Variants in UNC13B observed in about 807,000 individuals in gnomAD.
UNC13B encodes protein unc-13 homolog B.
UNC13B carries 144 observed loss-of-function variants against 211.0 expected under a neutral mutation model. That is an observed-to-expected ratio of 0.68 (90% CI 0.60 to 0.78). UNC13B has a LOEUF of 0.78. Ranked by LOEUF, UNC13B falls within the 30% of genes least tolerant of loss-of-function variation. The probability of loss-of-function intolerance (pLI) is 0.00; values close to 1 mark genes in which losing one functional copy is unlikely to be tolerated. For missense variants in UNC13B, 1,777 were observed against 2,002.0 expected (o/e 0.89, Z 2.14); for synonymous variants, 709 against 725.8 (o/e 0.98, Z 0.37).
chr9:35,378,355 C>A lies in UNC13B; in HGVS notation c.10124C>A (p.Thr3375Asn). ...DKTGSSDPYV[T>N]VQVSKTKKRT... The stretch of plus-strand genomic sequence containing the variant: ...ACAGGATCCAGTGACCCTTACGTGA[C>A]TGTGCAAGTCAGCAAAACTAAGAAG... The change falls in exon 17 of 40, where the codon ACT (threonine) becomes AAT (asparagine). Residue 3375 changes from threonine to asparagine, a missense_variant. Coordinates refer to ENST00000635942, the MANE Select transcript of UNC13B (RefSeq NM_001371189.2). 6.2e-7 allele frequency: 1 copy of A among 1,614,168 alleles called. No individual in the cohort carries two copies. The highest frequency in any genetic ancestry group is 8.5e-7 in the Non-Finnish European group (1 of 1,180,024).
At position 35,269,931 on chromosome 9, in the gene UNC13B, A is replaced by G. The variant is rs545679200; in HGVS notation, c.526+10881A>G. On this transcript the variant is annotated intron_variant, in intron 7 of 39. Transcript: ENST00000635942. ...TTTTTTTTGAACCCAGTGTTTTGTA[A>G]TCCTGTTCTGCCATTTTCTTTGATG... Among the ~76,000 whole-genome samples the G allele has an allele frequency of 5.3e-5, 8 of 151,942 alleles. No individual in the cohort carries two copies. In the South Asian group the frequency reaches 1.2e-3, roughly 24 times the overall value.
At chr9:35,285,436 A>T (rs1828735523) in intron 7 of UNC13B, among the ~76,000 whole-genome samples, 1 of 152,176 alleles carries the variant, frequency 6.6e-6, no homozygotes, top group African/African-American at 2.4e-5. Flanking sequence ...AAATTAAAAG[A>T]TGGCCAGGCA....
chr9:35,319,577 C>G (rs1830637398), intron 11 of UNC13B, among the ~76,000 whole-genome samples: 1 of 152,120 alleles, frequency 6.6e-6, no homozygotes, highest in Non-Finnish European at 1.5e-5. Flanking sequence ...CCTCCTTCCT[C>G]CCTCTAGTAG....
intron 11 of UNC13B, among the ~76,000 whole-genome samples, chr9:35,345,384 G>T (rs1832287786): frequency 6.6e-6 from 1 of 152,114 alleles, no homozygotes; most frequent in African/African-American, 2.4e-5. Flanking sequence ...TATCAAAGGG[G>T]ATTTTGGCTA....
chr9:35,312,990 A>G (rs915494890), intron 10 of UNC13B, among the ~76,000 whole-genome samples: 4 of 152,168 alleles, frequency 2.6e-5, no homozygotes, highest in African/African-American at 9.7e-5. Context: ...TTAGTGGAGC[A>G]GGAAGGGTTT....
chr9:35,276,534 T>C (rs1209783233), intron 7 of UNC13B, among the ~76,000 whole-genome samples: 2 of 152,224 alleles, frequency 1.3e-5, no homozygotes, highest in African/African-American at 4.8e-5. Flanking sequence ...AATTTTGAAT[T>C]CGTTGTGGTC....
intron 1 of UNC13B, among the ~76,000 whole-genome samples, chr9:35,178,514 CAAAA>C (rs970171302): frequency 6.7e-6 from 1 of 148,200 alleles, no homozygotes; most frequent in African/African-American, 2.5e-5. Flanking sequence ...AAAGAACAAA[CAAAA>C]AAACACATAC....
At chr9:35,400,533 G>GCTC in intron 37 of UNC13B, 90 bp downstream of exon 37, 1 of 1,442,850 alleles carries the variant, frequency 6.9e-7, no homozygotes, top group African/African-American at 1.4e-5. Flanking sequence ...CTTGGGAGCA[G>GCTC]ATCCAGTTAC....
rs10972421 is a variant in UNC13B, at chr9:35,284,490, A to G, written c.527-11206A>G. On this transcript the variant is annotated intron_variant, in intron 7 of 39. Coordinates refer to ENST00000635942, the MANE Select transcript of UNC13B (RefSeq NM_001371189.2). The stretch of plus-strand genomic sequence containing the variant: ...ATTAATAAATCATCTTTGCCTTTCT[A>G]AAATATAACCTACTTGGTTATGGTG... Among the ~76,000 whole-genome samples the G allele has an allele frequency of 2.1e-4, 32 of 152,310 alleles. No homozygotes were observed. In the East Asian group the frequency reaches 3.5e-3, roughly 16 times the overall value.
chr9:35,287,332 A>G (rs921990278), intron 7 of UNC13B, among the ~76,000 whole-genome samples: 5 of 151,912 alleles, frequency 3.3e-5, no homozygotes, highest in African/African-American at 1.2e-4. Flanking sequence ...AGGTTTCACC[A>G]TGTTGGCCAG....
Position 35,404,216 on chromosome 9 carries a change from C to G in UNC13B, c.*183C>G. 1 of 766,182 alleles carries G rather than the reference C, an allele frequency of 1.3e-6. No individual in the cohort carries two copies. The highest frequency in any genetic ancestry group is 2.7e-5 in the East Asian group (1 of 36,746). The allele number at this position is 766,182 out of a possible 1,614,324, so 47.5% of individuals were successfully genotyped here. A position where few individuals can be genotyped will look rare whatever the true frequency, so the allele number is the denominator to read the frequency against. ...TTTTCACAGAAAGGGTCATGAAGCCCTGGCCCAACAGGACTGTGGTACTAG... is the reference window on the plus strand; with the variant it reads ...TTTTCACAGAAAGGGTCATGAAGCCGTGGCCCAACAGGACTGTGGTACTAG... On this transcript the variant is annotated 3_prime_UTR_variant, in exon 40 of 40. Coordinates refer to ENST00000635942, the MANE Select transcript of UNC13B (RefSeq NM_001371189.2).
At chr9:35,284,933 TGGGG>T (rs1212284969) in intron 7 of UNC13B, among the ~76,000 whole-genome samples, 1 of 152,184 alleles carries the variant, frequency 6.6e-6, no homozygotes, top group Non-Finnish European at 1.5e-5. Context: ...AACAGTTGCC[TGGGG>T]GTGTTTTGTT....
At chr9:35,203,352 G>T (rs373292885) in intron 1 of UNC13B, among the ~76,000 whole-genome samples, 4 of 152,280 alleles carry the variant, frequency 2.6e-5, no homozygotes, top group African/African-American at 9.6e-5. Flanking sequence ...GGCAGGCCTG[G>T]TGGTGACAAA....
chr9:35,353,127 A>G, intron 11 of UNC13B: 1 of 1,232,184 alleles, frequency 8.1e-7, no homozygotes, highest in East Asian at 3.2e-5. Flanking sequence ...ATAGGGCCTG[A>G]GACTTTCAGT....
chr9:35,397,447 TG>T, intron 29 of UNC13B, 137 bp downstream of exon 29: 1 of 1,423,774 alleles, frequency 7.0e-7, no homozygotes, highest in Non-Finnish European at 9.6e-7. Context: ...TGCTGGTTTC[TG>T]GGGCAGACAG....
intron 1 of UNC13B, among the ~76,000 whole-genome samples, chr9:35,202,541 G>T (rs1043220412): frequency 3.3e-5 from 5 of 152,100 alleles, no homozygotes; most frequent in Non-Finnish European, 7.4e-5. Flanking sequence ...TCCTGTATTG[G>T]ATGCATATAT....
chr9:35,247,544 T>C (rs1826179115), intron 6 of UNC13B, among the ~76,000 whole-genome samples: 1 of 152,210 alleles, frequency 6.6e-6, no homozygotes, highest in Admixed American at 6.5e-5. Context: ...ACCTAATTTA[T>C]TGAGAGTTTT....
At chr9:35,222,984 A>G (rs1206102480) in intron 1 of UNC13B, among the ~76,000 whole-genome samples, 8 of 152,322 alleles carry the variant, frequency 5.3e-5, no homozygotes, top group Non-Finnish European at 1.2e-4. Flanking sequence ...TTCACTTAAC[A>G]TGATGCTATC....
In UNC13B at chr9:35,398,969, C is replaced by T; in HGVS notation, c.12009C>T (p.Ala4003=). 1 of 1,614,202 alleles carries T rather than the reference C, an allele frequency of 6.2e-7. No homozygotes were observed. The highest frequency in any genetic ancestry group is 8.5e-7 in the Non-Finnish European group (1 of 1,180,036). The stretch of plus-strand genomic sequence containing the variant: ...GCACAGGGAATGCATCTCCAGACGC[C>T]AGGGCCTCAGCGGCTCAGGATGCAG... The part of the protein sequence containing the change: ...VRGTGNASPD[A]RASAAQDADS... The change falls in exon 33 of 40, where the codon GCC becomes GCT. Residue 4003 remains alanine (A), a synonymous_variant. Transcript: ENST00000635942.
Sources: gnomAD v4.1 joint callset for allele counts (sites outside exome capture counted in the v4.1 genomes callset) on GRCh38, gnomAD v4.1.1 for gene constraint, MANE v1.5 for transcripts, NCBI Gene and HGNC (gene_info 2026-07-23, HGNC 2026-07-21) for gene names.